CREBBP: variants seen among roughly 807,000 people sequenced by gnomAD.
The protein encoded by CREBBP is CREB binding lysine acetyltransferase.
CREBBP carries 19 observed loss-of-function variants against 265.0 expected under a neutral mutation model. That is an observed-to-expected ratio of 0.07 (90% CI 0.05 to 0.11). The LOEUF (loss-of-function observed/expected upper bound fraction) is 0.11, where lower values mean the gene tolerates loss of function less well. Ranked by LOEUF, CREBBP falls within the 10% of genes least tolerant of loss-of-function variation. The pLI is 1.00. For synonymous variants in CREBBP, 1,457 were observed against 1,223.7 expected (o/e 1.19, Z -3.98); for missense variants, 2,525 against 3,219.0 (o/e 0.78, Z 5.22).
chr16:3,792,350 A>G (rs1596944756), intron 4 of CREBBP, among the ~76,000 whole-genome samples: 4 of 152,240 alleles, frequency 2.6e-5, no homozygotes, highest in South Asian at 4.1e-4. Context: ...ACAAAACAAA[A>G]CAAAAACTAT....
chr16:3,753,050 G>A (rs1042136114), intron 19 of CREBBP, among the ~76,000 whole-genome samples: 2 of 152,188 alleles, frequency 1.3e-5, no homozygotes, highest in Non-Finnish European at 2.9e-5. Context: ...AGCGACGGCA[G>A]CACGAATGCG....
rs962872836 is a variant in CREBBP, at chr16:3,777,874, G to C, written c.2113+137C>G. On this transcript the variant is annotated intron_variant, in intron 10 of 30. Transcript: ENST00000262367. ...CAACACAGCCTGAGGCAGGTGGTCA[G>C]GGCCACTGCCACATCAACAGCTTCT... is the stretch of plus-strand genomic sequence containing the variant. 3.1e-5 allele frequency: 37 copies of C among 1,191,722 alleles called. No individual in the cohort carries two copies. In the African/African-American group the frequency reaches 5.3e-4, roughly 17 times the overall value. 73.8% of individuals were successfully genotyped at this position (1,191,722 alleles called of 1,614,324 possible).
chr16:3,760,545 G>T (rs980208014), intron 16 of CREBBP, among the ~76,000 whole-genome samples: 1 of 151,352 alleles, frequency 6.6e-6, no homozygotes, highest in South Asian at 2.1e-4. Context: ...TGGGATTACA[G>T]GTGCCCACCA....
intron 19 of CREBBP, among the ~76,000 whole-genome samples, chr16:3,756,898 C>T (rs911405965): frequency 2.6e-5 from 4 of 152,174 alleles, no homozygotes; most frequent in Admixed American, 1.3e-4. Flanking sequence ...GAAGAAATAA[C>T]GTACCTAATC....
intron 8 of CREBBP, among the ~76,000 whole-genome samples, chr16:3,779,251 G>A (rs969267045): frequency 1.3e-5 from 2 of 151,618 alleles, no homozygotes; most frequent in Admixed American, 1.3e-4. Flanking sequence ...ATAGCTCACT[G>A]CAACTTTGAA....
intron 13 of CREBBP, 72 bp from the exon 14 acceptor site, chr16:3,771,058 T>A (rs2052995731): frequency 1.3e-6 from 2 of 1,578,490 alleles, no homozygotes; most frequent in African/African-American, 1.4e-5. Context: ...TTTGAAAAAT[T>A]AAATGTATGA....
intron 24 of CREBBP, among the ~76,000 whole-genome samples, 181 bp downstream of exon 24, chr16:3,740,218 A>T (rs1220925969): frequency 6.6e-6 from 1 of 152,234 alleles, no homozygotes; most frequent in South Asian, 2.1e-4. Flanking sequence ...AGCTTACTGC[A>T]CTGTATAGGG....
chr16:3,842,588 A>C (rs1010065417), intron 2 of CREBBP, among the ~76,000 whole-genome samples: 16 of 152,278 alleles, frequency 1.1e-4, no homozygotes, highest in African/African-American at 3.8e-4. Flanking sequence ...AAAAATAGTA[A>C]TATCATGTAT....
chr16:3,820,378 C>A (rs2054118594), intron 2 of CREBBP, among the ~76,000 whole-genome samples: 1 of 152,198 alleles, frequency 6.6e-6, no homozygotes, highest in African/African-American at 2.4e-5. Context: ...CAGGGTGCAC[C>A]TGGGGCAGGA....
chr16:3,752,392 T>G (rs981484634), intron 19 of CREBBP, among the ~76,000 whole-genome samples: 4 of 152,094 alleles, frequency 2.6e-5, no homozygotes, highest in Non-Finnish European at 5.9e-5. Context: ...ATTTCCGGTA[T>G]TAAGCCAGAT....
intron 2 of CREBBP, among the ~76,000 whole-genome samples, chr16:3,835,568 G>A (rs1217706096): frequency 2.1e-5 from 3 of 145,594 alleles, no homozygotes; most frequent in East Asian, 4.1e-4. Flanking sequence ...GCTCACAGAA[G>A]ATTTCTTCTT....
rs974099763 is a variant in CREBBP, at chr16:3,767,515, C to T, written c.3250+205G>A. On this transcript the variant is annotated intron_variant, in intron 16 of 30. Transcript: ENST00000262367. ...CCTCGGAGCAGCAGCTCATCTCTCA[C>T]TCCTGCCATGAGCCCCACAGGCACA... 24 of 665,304 alleles carry T rather than the reference C, an allele frequency of 3.6e-5. No homozygotes were observed. In the African/African-American group the frequency reaches 4.2e-4, roughly 12 times the overall value. The allele number at this position is 665,304 out of a possible 1,614,324, so 41.2% of individuals were successfully genotyped here.
intron 3 of CREBBP, among the ~76,000 whole-genome samples, chr16:3,794,451 T>C (rs1437053106): frequency 6.8e-6 from 1 of 147,346 alleles, no homozygotes; most frequent in Admixed American, 6.8e-5. Flanking sequence ...GATTTCATTA[T>C]CACATGACTA....
intron 1 of CREBBP, among the ~76,000 whole-genome samples, chr16:3,857,055 G>A (rs916580153): frequency 3.9e-5 from 6 of 152,134 alleles, no homozygotes; most frequent in Non-Finnish European, 8.8e-5. Flanking sequence ...ACCCTCACCT[G>A]TAAAACAAGG....
chr16:3,770,481 C>CCA, intron 14 of CREBBP, 89 bp downstream of exon 14: 1 of 1,444,924 alleles, frequency 6.9e-7, no homozygotes, highest in Non-Finnish European at 9.6e-7. Flanking sequence ...TAGGTGTGAA[C>CCA]CACCGCGCCT....
chr16:3,735,031 G>C (rs2052016637), intron 28 of CREBBP, among the ~76,000 whole-genome samples: 1 of 151,798 alleles, frequency 6.6e-6, no homozygotes, highest in African/African-American at 2.4e-5. Context: ...CGCTCTCCCT[G>C]CACCTACAGC....
intron 2 of CREBBP, among the ~76,000 whole-genome samples, chr16:3,822,384 C>T (rs1449188484): frequency 1.3e-5 from 2 of 152,168 alleles, no homozygotes; most frequent in Non-Finnish European, 2.9e-5. Context: ...TTAAGACAGA[C>T]AGCCACTGAC....
rs2141192243 is a variant in CREBBP at position 3,769,309 on chromosome 16, G to A, written c.2925C>T (p.Pro975=). 6.2e-7 allele frequency: 1 copy of A among 1,614,200 alleles called. No individual in the cohort carries two copies. Among genetic ancestry groups the A allele is most frequent in the South Asian group, 1.1e-5 (1 of 91,082 alleles). Residue 975 remains proline, a synonymous_variant, in exon 15 of 31, where the codon CCC becomes CCT. Coordinates refer to ENST00000262367, the MANE Select transcript of CREBBP (RefSeq NM_004380.3). The stretch of plus-strand genomic sequence containing the variant: ...TGGTTTCTGCGCTGGCCACCGAGGA[G>A]GGGGTAGGGACTCTGTTATCAATGC... ...AASIDNRVPT[P]SSVASAETNS... is the part of the protein sequence containing the mutation.
intron 1 of CREBBP, among the ~76,000 whole-genome samples, chr16:3,860,001 G>T (rs959869134): frequency 2.0e-5 from 3 of 152,176 alleles, no homozygotes; most frequent in Non-Finnish European, 4.4e-5. Context: ...AAAACAACTT[G>T]GGGCTTGCAA....
Sources: allele counts gnomAD v4.1 joint callset (sites outside exome capture counted in the v4.1 genomes callset), GRCh38; gene constraint gnomAD v4.1.1; transcripts MANE v1.5; gene names NCBI Gene and HGNC (gene_info 2026-07-23, HGNC 2026-07-21).